The following CA8 variants were observed in gnomAD, a reference collection of about 807,000 sequenced individuals.
The protein encoded by CA8 is carbonic anhydrase 8 (inactive).
A neutral mutation model predicts 41.4 loss-of-function variants in CA8; 22 were observed. That is an observed-to-expected ratio of 0.53 (90% CI 0.38 to 0.76). CA8 has a LOEUF of 0.76. Ranked by LOEUF, CA8 falls within the 30% of genes least tolerant of loss-of-function variation. The probability of loss-of-function intolerance (pLI) is 0.00; values close to 1 mark genes in which losing one functional copy is unlikely to be tolerated. For synonymous variants in CA8, 121 were observed against 130.6 expected, an observed-to-expected ratio of 0.93 and a Z score of 0.50; for missense variants, 270 against 352.8, an observed-to-expected ratio of 0.77 and a Z score of 1.88.
intron 3 of CA8, among the ~76,000 whole-genome samples, chr8:60,236,480 GCAAA>G (rs1807834234): frequency 6.6e-6 from 1 of 151,830 alleles, no homozygotes; most frequent in African/African-American, 2.4e-5. Flanking sequence ...TACAGATCAT[GCAAA>G]CAAACAAAAA....
chr8:60,220,503 G>A (rs978483825), intron 7 of CA8, among the ~76,000 whole-genome samples: 2 of 152,086 alleles, frequency 1.3e-5, no homozygotes, highest in African/African-American at 4.8e-5. Flanking sequence ...GCTTGGGTTG[G>A]CAGCACTCGT....
chr8:60,260,903 A>G (rs887166780), intron 3 of CA8, among the ~76,000 whole-genome samples: 1 of 152,226 alleles, frequency 6.6e-6, no homozygotes, highest in Admixed American at 6.5e-5. Context: ...GAAAGGTTAT[A>G]ATTTCACTAT....
chr8:60,246,266 C>T (rs972850097), intron 3 of CA8, among the ~76,000 whole-genome samples: 13 of 142,964 alleles, frequency 9.1e-5, no homozygotes, highest in Non-Finnish European at 1.5e-4. Context: ...GTTTTTATTA[C>T]GAATAATGCA....
rs200467497 is a variant in CA8, at chr8:60,222,785, A to G, written c.626-24T>C. 833 of 1,419,348 alleles carry G rather than the reference A, an allele frequency of 5.9e-4. 2 individuals are homozygous for G. Among genetic ancestry groups the G allele is most frequent in the South Asian group, 7.8e-4 (68 of 87,082 alleles). 87.9% of individuals were successfully genotyped at this position (1,419,348 alleles called of 1,614,324 possible). The stretch of plus-strand genomic sequence containing the variant: ...GTCTGCACAGCCACGTGGACATGTA[A>G]TGGAAAAGGCAAGTGAATTAATAAC... On this transcript the variant is annotated intron_variant, in intron 6 of 8. Coordinates refer to ENST00000317995, the MANE Select transcript of CA8 (RefSeq NM_004056.6).
chr8:60,241,540 C>T (rs1307446624), intron 3 of CA8, among the ~76,000 whole-genome samples: 6 of 152,186 alleles, frequency 3.9e-5, no homozygotes, highest in Non-Finnish European at 7.3e-5. Context: ...GGCTTTATAA[C>T]ACCATTGGAC....
intron 7 of CA8, among the ~76,000 whole-genome samples, chr8:60,220,905 G>A (rs973973170): frequency 6.6e-6 from 1 of 152,056 alleles, no homozygotes; most frequent in Non-Finnish European, 1.5e-5. Context: ...TTTCACTGAG[G>A]GCAACTGTGG....
chr8:60,221,225 C>T (rs1220059028), intron 7 of CA8, among the ~76,000 whole-genome samples: 1 of 152,090 alleles, frequency 6.6e-6, no homozygotes, highest in Non-Finnish European at 1.5e-5. Flanking sequence ...GAAATTATTC[C>T]CTAAACCTCT....
At chr8:60,265,813 C>A in intron 3 of CA8, 112 bp downstream of exon 3, 1 of 1,198,268 alleles carries the variant, frequency 8.3e-7, no homozygotes, top group Non-Finnish European at 1.2e-6. Flanking sequence ...TTAGTATAAA[C>A]TGATAAAATT....
chr8:60,278,008 A>G (rs1047538660), intron 2 of CA8, among the ~76,000 whole-genome samples: 5 of 152,196 alleles, frequency 3.3e-5, no homozygotes, highest in African/African-American at 9.7e-5. Flanking sequence ...GGGGTGGAAG[A>G]AGGAGGAAGA....
chr8:60,222,760 G>A lies in CA8; in HGVS notation c.627C>T (p.Asp209=), dbSNP rs1363518978. Residue 209 remains aspartate, a splice_region_variant and synonymous_variant, in exon 7 of 9, where the codon GAC becomes GAT. Coordinates refer to ENST00000317995, the MANE Select transcript of CA8 (RefSeq NM_004056.6). ...ACACCCAGTAATCCCGCAGCAGAGGGTCTGCACAGCCACGTGGACATGTAA... is the reference window on the plus strand; with the variant it reads ...ACACCCAGTAATCCCGCAGCAGAGGATCTGCACAGCCACGTGGACATGTAA... The part of the protein sequence containing the change: ...PCFNPNTLLP[D]PLLRDYWVYE... 1 of 1,598,328 alleles carries A rather than the reference G, an allele frequency of 6.3e-7. No homozygotes were observed. The highest frequency in any genetic ancestry group is 8.6e-7 in the Non-Finnish European group (1 of 1,165,716).
chr8:60,198,233 C>T (rs1806332653), intron 8 of CA8, among the ~76,000 whole-genome samples: 1 of 152,104 alleles, frequency 6.6e-6, no homozygotes, highest in Non-Finnish European at 1.5e-5. Context: ...GCCTCAGTTT[C>T]TTTATCTCTA....
chr8:60,194,343 G>T (rs1357419649), intron 8 of CA8, among the ~76,000 whole-genome samples: 1 of 152,150 alleles, frequency 6.6e-6, no homozygotes, highest in Non-Finnish European at 1.5e-5. Flanking sequence ...CACCGTGGAG[G>T]CCTCTTTATT....
intron 3 of CA8, among the ~76,000 whole-genome samples, chr8:60,258,175 T>C (rs1803612265): frequency 1.3e-5 from 2 of 152,206 alleles, no homozygotes. Flanking sequence ...ACTGTCATGG[T>C]ACCACGGCAG....
intron 3 of CA8, among the ~76,000 whole-genome samples, chr8:60,247,060 T>C (rs1299552855): frequency 6.6e-6 from 1 of 151,894 alleles, no homozygotes; most frequent in African/African-American, 2.4e-5. Context: ...ATTTTTTGTA[T>C]TTTTAGTAGA....
At chr8:60,226,964 CACA>C (rs1452249892) in intron 4 of CA8, 29 bp from the exon 5 acceptor site, 4 of 1,526,232 alleles carry the variant, frequency 2.6e-6, no homozygotes, top group Non-Finnish European at 9.1e-7. Flanking sequence ...AAACCACAAC[CACA>C]ACATTTTTCA....
chr8:60,208,762 A>G lies in CA8; in HGVS notation c.*23T>C, dbSNP rs777780593. On this transcript the variant is annotated 3_prime_UTR_variant, in exon 8 of 9. Transcript: ENST00000317995. ...AATCTGGACATACCCTCATGAAGAC[A>G]GACTTGTTCCTGTCCTCTTTGGCTA... is the stretch of plus-strand genomic sequence containing the variant. 2.5e-6 allele frequency: 4 copies of G among 1,614,002 alleles called. No homozygotes were observed. The Admixed American group carries it at 5.0e-5, about 20-fold the overall frequency.
intron 8 of CA8, among the ~76,000 whole-genome samples, chr8:60,200,297 T>C (rs902895878): frequency 6.6e-6 from 1 of 152,238 alleles, no homozygotes; most frequent in Non-Finnish European, 1.5e-5. Context: ...TATTTTGTTA[T>C]AGAGGATCAA....
chr8:60,225,435 C>T (rs1031261795), intron 5 of CA8, among the ~76,000 whole-genome samples: 5 of 152,124 alleles, frequency 3.3e-5, no homozygotes, highest in Non-Finnish European at 7.3e-5. Context: ...TGACTGGTGT[C>T]CTATTAGATG....
At position 60,189,624 on chromosome 8, in the gene CA8, G is replaced by A. The variant is rs1054984105; in HGVS notation, c.*397C>T. 1.3e-5 allele frequency: 2 copies of A among 151,716 alleles called. No individual in the cohort carries two copies. Among genetic ancestry groups the A allele is most frequent in the African/African-American group, 4.9e-5 (2 of 41,114 alleles). 9.4% of individuals were successfully genotyped at this position (151,716 alleles called of 1,614,324 possible). On this transcript the variant is annotated 3_prime_UTR_variant, in exon 9 of 9. Coordinates refer to ENST00000317995, the MANE Select transcript of CA8 (RefSeq NM_004056.6). ...TGAGTGAATTTTCTGTTGGAGACAG[G>A]AAATGAAGAACTACTAACACCGGGA...
Sources: gnomAD v4.1 joint callset for allele counts (sites outside exome capture counted in the v4.1 genomes callset) on GRCh38, gnomAD v4.1.1 for gene constraint, MANE v1.5 for transcripts, NCBI Gene and HGNC (gene_info 2026-07-23, HGNC 2026-07-21) for gene names.